Variants in COL5A2 observed in about 807,000 individuals in gnomAD.
The protein encoded by COL5A2 is collagen type V alpha 2 chain.
COL5A2 carries 23 observed loss-of-function variants against 208.2 expected under a neutral mutation model. The observed-to-expected ratio is 0.11, with a 90% CI of 0.08 to 0.16. The LOEUF is 0.16. COL5A2 is among the 10% of genes least tolerant of loss of function. The pLI is 1.00. For synonymous variants in COL5A2, 625 were observed against 628.5 expected (o/e 0.99, Z 0.08); for missense variants, 1,590 against 1,956.4 (o/e 0.81, Z 3.53).
At chr2:189,286,635 G>A in the COL5A2 span, among the ~76,000 whole-genome samples, 2 of 152,108 alleles carry the variant, frequency 1.3e-5, no homozygotes, top group Non-Finnish European at 2.9e-5. Context: ...GCACAGAAGA[G>A]ACTTACAGTC....
the COL5A2 span, among the ~76,000 whole-genome samples, chr2:189,377,961 G>A: frequency 2.0e-5 from 3 of 152,088 alleles, no homozygotes; most frequent in Non-Finnish European, 4.4e-5. Flanking sequence ...CGTTTTTAAG[G>A]GTATAAATAG....
chr2:189,425,709 T>C, the COL5A2 span, among the ~76,000 whole-genome samples: 1,951 of 152,272 alleles, frequency 0.013, 53 homozygotes, highest in African/African-American at 0.044. Flanking sequence ...GCTTGAATCA[T>C]GGGGGCAGTT....
the COL5A2 span, among the ~76,000 whole-genome samples, chr2:189,356,205 T>G: frequency 6.6e-6 from 1 of 152,208 alleles, no homozygotes; most frequent in Non-Finnish European, 1.5e-5. Context: ...GCCCTTAACA[T>G]TTTTTCCTTC....
chr2:189,170,229 A>G (rs1688546839), intron 1 of COL5A2, among the ~76,000 whole-genome samples: 1 of 152,246 alleles, frequency 6.6e-6, no homozygotes, highest in African/African-American at 2.4e-5. Flanking sequence ...CAATTTCCAA[A>G]ACCTAAATTT....
At chr2:189,324,618 T>C in the COL5A2 span, among the ~76,000 whole-genome samples, 2 of 152,238 alleles carry the variant, frequency 1.3e-5, no homozygotes, top group South Asian at 4.1e-4. Context: ...ACAAATGAGA[T>C]ATCATCTCAC....
intron 1 of COL5A2, among the ~76,000 whole-genome samples, chr2:189,173,292 G>A (rs1688610050): frequency 6.6e-6 from 1 of 152,042 alleles, no homozygotes; most frequent in Admixed American, 6.6e-5. Context: ...TCTGTAGAAG[G>A]CAAGATTTAG....
At chr2:189,342,478 T>TTATATATGCATATAATATATATG in the COL5A2 span, among the ~76,000 whole-genome samples, 17 of 143,972 alleles carry the variant, frequency 1.2e-4, no homozygotes, top group South Asian at 2.2e-4. Context: ...TTCTATTTAT[T>TTATATATGCATATAATATATATG]TATATATGCA....
intron 1 of COL5A2, among the ~76,000 whole-genome samples, chr2:189,199,169 T>A (rs1689041581): frequency 6.6e-6 from 1 of 152,188 alleles, no homozygotes; most frequent in African/African-American, 2.4e-5. Flanking sequence ...TGGATTCCCA[T>A]AAATTGACTA....
the COL5A2 span, among the ~76,000 whole-genome samples, chr2:189,265,534 A>G: frequency 6.6e-6 from 1 of 152,210 alleles, no homozygotes; most frequent in African/African-American, 2.4e-5. Context: ...ATCCTAATCC[A>G]GTAAGACCTC....
At chr2:189,436,172 C>T in the COL5A2 span, among the ~76,000 whole-genome samples, 1 of 151,702 alleles carries the variant, frequency 6.6e-6, no homozygotes, top group African/African-American at 2.4e-5. Flanking sequence ...CACCTAAAAC[C>T]ATAAAAACCC....
the COL5A2 span, among the ~76,000 whole-genome samples, chr2:189,271,080 C>A: frequency 6.6e-6 from 1 of 152,132 alleles, no homozygotes; most frequent in African/African-American, 2.4e-5. Flanking sequence ...GGCCATACTG[C>A]CCAAAATAAT....
chr2:189,426,044 A>G, the COL5A2 span, among the ~76,000 whole-genome samples: 1 of 152,202 alleles, frequency 6.6e-6, no homozygotes, highest in African/African-American at 2.4e-5. Context: ...AGAGTGAGGC[A>G]TTGCTATAAA....
At chr2:189,137,528 T>C (rs1687848858) in intron 1 of COL5A2, among the ~76,000 whole-genome samples, 1 of 152,236 alleles carries the variant, frequency 6.6e-6, no homozygotes, top group Non-Finnish European at 1.5e-5. Flanking sequence ...ACATTGTGTA[T>C]TAAACAAAAA....
At chr2:189,204,867 C>T (rs775160266) in intron 1 of COL5A2, among the ~76,000 whole-genome samples, 3 of 152,026 alleles carry the variant, frequency 2.0e-5, no homozygotes, top group Non-Finnish European at 4.4e-5. Flanking sequence ...AGAATACCTG[C>T]GATTTATTTG....
chr2:189,370,229 T>C, the COL5A2 span, among the ~76,000 whole-genome samples: 3,845 of 152,248 alleles, frequency 0.025, 176 homozygotes, highest in African/African-American at 0.088. Flanking sequence ...AGTTATGAAG[T>C]CTAAGAAATG....
At chr2:189,153,377 A>G (rs1274864188) in intron 1 of COL5A2, among the ~76,000 whole-genome samples, 13 of 152,220 alleles carry the variant, frequency 8.5e-5, no homozygotes, top group Non-Finnish European at 1.5e-5. Context: ...GAAACTGAAC[A>G]TTCTAGAGCT....
chr2:189,039,524 G>A lies in COL5A2; in HGVS notation c.3673C>T (p.Pro1225Ser). ...GEPGPPGPPGPPGHLTAALGD... is the reference protein window; with the variant it reads ...GEPGPPGPPGSPGHLTAALGD... ...AGAGCAGCTGTAAGGTGGCCAGGGG[G>A]ACCCGGAGGGCCAGGTGGGCCAGGC... The change falls in exon 51 of 54, where the codon CCC (proline) becomes TCC (serine). Residue 1225 changes from proline (P) to serine (S), a missense_variant. Transcript: ENST00000374866. 1 of 1,613,988 alleles carries A rather than the reference G, an allele frequency of 6.2e-7. No homozygotes were observed. The highest frequency in any genetic ancestry group is 8.5e-7 in the Non-Finnish European group (1 of 1,180,008).
At chr2:189,169,406 C>T (rs1248249336) in intron 1 of COL5A2, among the ~76,000 whole-genome samples, 3 of 152,080 alleles carry the variant, frequency 2.0e-5, no homozygotes, top group Non-Finnish European at 4.4e-5. Context: ...TTGGGAAATG[C>T]CTTTTGTTTT....
intron 1 of COL5A2, among the ~76,000 whole-genome samples, chr2:189,224,675 T>TGAGAC (rs1256159612): frequency 6.6e-6 from 1 of 151,672 alleles, no homozygotes; most frequent in African/African-American, 2.4e-5. Context: ...GGTGACAGAG[T>TGAGAC]GAGACTCTGT....
Sources: gnomAD v4.1 joint callset for allele counts (sites outside exome capture counted in the v4.1 genomes callset) on GRCh38, gnomAD v4.1.1 for gene constraint, MANE v1.5 for transcripts, NCBI Gene and HGNC (gene_info 2026-07-23, HGNC 2026-07-21) for gene names.